MCTP1: variants seen among roughly 807,000 people sequenced by gnomAD.
The protein encoded by MCTP1 is multiple C2 and transmembrane domain containing 1.
Under a neutral mutation model 120.6 loss-of-function variants are expected in MCTP1, and 69 were observed. The ratio of observed to expected loss-of-function variants is 0.57; its 90% CI spans 0.47 to 0.70. MCTP1 has a LOEUF of 0.70. MCTP1 is among the 30% of genes least tolerant of loss of function. The pLI, the probability that MCTP1 is intolerant of heterozygous loss-of-function variation, is 0.00. For missense variants in MCTP1, 1,203 were observed against 1,248.8 expected, an observed-to-expected ratio of 0.96 and a Z score of 0.55; for synonymous variants, 529 against 493.1, an observed-to-expected ratio of 1.07 and a Z score of -0.96.
chr5:94,807,612 C>T (rs896923791), intron 17 of MCTP1, among the ~76,000 whole-genome samples: 1 of 152,188 alleles, frequency 6.6e-6, no homozygotes, highest in Non-Finnish European at 1.5e-5. Context: ...GGAGGATCAA[C>T]TTTCAAACAT....
intron 2 of MCTP1, among the ~76,000 whole-genome samples, chr5:94,989,852 G>A (rs958237221): frequency 1.3e-5 from 2 of 152,154 alleles, no homozygotes; most frequent in Non-Finnish European, 2.9e-5. Flanking sequence ...AACAGAGTTT[G>A]GAGAGCTTCT....
At chr5:95,160,515 A>ATTTTTTTTTTTTTTTTTTTTTTTT in intron 1 of MCTP1, among the ~76,000 whole-genome samples, 1 of 152,078 alleles carries the variant, frequency 6.6e-6, no homozygotes, top group Non-Finnish European at 1.5e-5. Context: ...ATTTCTTTTA[A>ATTTTTTTTTTTTTTTTTTTTTTTT]TTTTTATTAT....
chr5:95,200,359 G>A (rs1167275966), intron 1 of MCTP1, among the ~76,000 whole-genome samples: 1 of 151,972 alleles, frequency 6.6e-6, no homozygotes, highest in Non-Finnish European at 1.5e-5. Flanking sequence ...TATATTCAAA[G>A]GGAATAAAAT....
At chr5:94,886,602 CACAG>C (rs1379983892) in intron 12 of MCTP1, among the ~76,000 whole-genome samples, 6 of 152,280 alleles carry the variant, frequency 3.9e-5, no homozygotes, top group African/African-American at 1.4e-4. Context: ...CTTGCCTTAG[CACAG>C]ACAGTTACCA....
At chr5:94,822,305 C>T (rs1295650983) in intron 17 of MCTP1, among the ~76,000 whole-genome samples, 3 of 152,040 alleles carry the variant, frequency 2.0e-5, no homozygotes, top group Admixed American at 6.6e-5. Context: ...TGAGAACATG[C>T]GGTGTTTGGT....
intron 1 of MCTP1, among the ~76,000 whole-genome samples, chr5:95,073,552 C>T (rs1376614260): frequency 6.6e-6 from 1 of 152,192 alleles, no homozygotes; most frequent in Non-Finnish European, 1.5e-5. Flanking sequence ...TCACCTATAT[C>T]TTTCCAAGTG....
intron 1 of MCTP1, among the ~76,000 whole-genome samples, chr5:95,169,111 G>A (rs772685008): frequency 1.3e-5 from 2 of 152,202 alleles, no homozygotes; most frequent in Non-Finnish European, 2.9e-5. Context: ...ATGAAGGGCT[G>A]CTGAATTTTG....
At chr5:94,903,210 C>T (rs1805967024) in intron 10 of MCTP1, among the ~76,000 whole-genome samples, 1 of 151,978 alleles carries the variant, frequency 6.6e-6, no homozygotes, top group South Asian at 2.1e-4. Flanking sequence ...AATTTTCTGA[C>T]TAGCTGTCCT....
intron 1 of MCTP1, among the ~76,000 whole-genome samples, chr5:95,271,741 T>A (rs546632554): frequency 1.3e-5 from 2 of 151,802 alleles, no homozygotes; most frequent in African/African-American, 4.8e-5. Context: ...ACATATGTTA[T>A]AATTAATTAC....
At chr5:94,714,983 T>C in intron 19 of MCTP1, 97 bp from the exon 20 acceptor site, 1 of 742,598 alleles carries the variant, frequency 1.3e-6, no homozygotes, top group African/African-American at 1.8e-5. Context: ...TAAACTTAAA[T>C]AAACTTCATT....
intron 6 of MCTP1, chr5:94,929,815 C>A (rs1814096219): frequency 1.7e-5 from 5 of 298,818 alleles, no homozygotes; most frequent in Non-Finnish European, 2.5e-5. Flanking sequence ...TTTTAGGGCA[C>A]AGTAAAAAAT....
chr5:95,093,028 C>A (rs923646575), intron 1 of MCTP1, among the ~76,000 whole-genome samples: 7 of 152,168 alleles, frequency 4.6e-5, no homozygotes, highest in Non-Finnish European at 8.8e-5. Context: ...CATAGAAAAC[C>A]CACAAACTAT....
intron 2 of MCTP1, among the ~76,000 whole-genome samples, chr5:94,987,941 C>T (rs537378606): frequency 1.4e-4 from 22 of 152,236 alleles, no homozygotes; most frequent in African/African-American, 4.6e-4. Flanking sequence ...AATTACATCT[C>T]ATCATCAAAG....
intron 19 of MCTP1, among the ~76,000 whole-genome samples, chr5:94,777,460 T>C (rs1775624805): frequency 6.6e-6 from 1 of 152,140 alleles, no homozygotes; most frequent in Admixed American, 6.6e-5. Context: ...ACAAACTGAC[T>C]AAAAACATAG....
At chr5:94,987,265 ATAAT>A (rs1304114625) in intron 2 of MCTP1, among the ~76,000 whole-genome samples, 3 of 152,126 alleles carry the variant, frequency 2.0e-5, no homozygotes, top group African/African-American at 7.2e-5. Context: ...GATAGCTATA[ATAAT>A]TAACATGATT....
chr5:95,006,842 C>G (rs1417991285), intron 2 of MCTP1, among the ~76,000 whole-genome samples: 1 of 152,138 alleles, frequency 6.6e-6, no homozygotes, highest in East Asian at 1.9e-4. Context: ...TATTCCACGT[C>G]TCTGAAACTG....
intron 1 of MCTP1, among the ~76,000 whole-genome samples, chr5:95,074,698 A>G (rs575937850): frequency 6.6e-6 from 1 of 152,288 alleles, no homozygotes; most frequent in African/African-American, 2.4e-5. Context: ...GGTATGCGGA[A>G]AAGCTTCTAG....
rs1749067994 is a variant in MCTP1, at chr5:95,061,408, G to GTTGTTTTTTTTTTTTTTTTTTTTTTTT, written c.721-43925_721-43924insAAAAAAAAAAAAAAAAAAAAAAAACAA. On this transcript the variant is annotated intron_variant, in intron 1 of 22. Transcript: ENST00000515393. ...ATCAATTTTCACAAACCCCTTAAGG[G>GTTGTTTTTTTTTTTTTTTTTTTTTTTT]TTTTTTTTTTTTTTTTTTTTTTTTT... Among the ~76,000 whole-genome samples the GTTGTTTTTTTTTTTTTTTTTTTTTTTT allele has an allele frequency of 1.8e-4, 6 of 33,490 alleles. 2 individuals carry two copies. Among genetic ancestry groups the GTTGTTTTTTTTTTTTTTTTTTTTTTTT allele is most frequent in the Non-Finnish European group, 3.1e-4 (5 of 16,078 alleles). 22.0% of individuals were successfully genotyped at this position (33,490 alleles called of 152,430 possible).
chr5:94,875,823 G>A lies in MCTP1; in HGVS notation c.1934-2582C>T, dbSNP rs1798754219. On this transcript the variant is annotated intron_variant, in intron 12 of 22. Coordinates refer to ENST00000515393, the MANE Select transcript of MCTP1 (RefSeq NM_024717.7). ...CTAGATATTTCTAGAATCTGACAAA[G>A]AGGAAAGTTTAGGTTAAGGAGAAAG... Among the ~76,000 whole-genome samples, 5 of 151,332 alleles carry A rather than the reference G, an allele frequency of 3.3e-5. No homozygotes were observed. In the South Asian group the frequency reaches 1.0e-3, roughly 32 times the overall value.
Sources: gnomAD v4.1 joint callset for allele counts (sites outside exome capture counted in the v4.1 genomes callset) on GRCh38, gnomAD v4.1.1 for gene constraint, MANE v1.5 for transcripts, NCBI Gene and HGNC (gene_info 2026-07-23, HGNC 2026-07-21) for gene names.